Variants in USP24 observed in about 807,000 individuals in gnomAD.
USP24 encodes the protein ubiquitin specific peptidase 24, also known as ubiquitin carboxyl-terminal hydrolase 24.
USP24 carries 97 observed loss-of-function variants against 361.6 expected under a neutral mutation model. The ratio of observed to expected loss-of-function variants is 0.27; its 90% CI spans 0.23 to 0.32. The LOEUF is 0.32. Among genes scored for constraint, USP24 ranks in the 10% least tolerant of loss-of-function variants. The pLI, the probability that USP24 is intolerant of heterozygous loss-of-function variation, is 1.00. For missense variants in USP24, 2,353 were observed against 3,165.6 expected (o/e 0.74, Z 6.16); for synonymous variants, 1,098 against 1,124.6 (o/e 0.98, Z 0.47).
rs75935414 is a variant in USP24, at chr1:55,072,820, T to A, written c.7568A>T (p.His2523Leu). ...AKEYFKENSHHWSWAVQWLQK... is the reference protein window; with the variant it reads ...AKEYFKENSHLWSWAVQWLQK... ...TAGCCACTGCACAGCCCAGCTCCAG[T>A]GGTGGGAATTCTCCTTGAAGTACTC... Residue 2523 changes from histidine (H) to leucine (L), a missense_variant, in exon 65 of 68, where the codon CAC becomes CTC. Around this residue, in one of 8 missense-constraint regions of USP24, gnomAD observed 598 missense variants for 761.9 expected, o/e 0.78. Transcript: ENST00000294383. The A allele has an allele frequency of 6.2e-7, 1 of 1,607,796 alleles. No homozygotes were observed. Among genetic ancestry groups the A allele is most frequent in the Admixed American group, 1.7e-5 (1 of 59,202 alleles).
chr1:55,177,142 C>T (rs184813758), intron 2 of USP24, among the ~76,000 whole-genome samples: 144 of 150,984 alleles, frequency 9.5e-4, no homozygotes, highest in Admixed American at 3.8e-3. Flanking sequence ...AAAAACCACA[C>T]AAATATTTGC....
At chr1:55,138,049 C>G in intron 26 of USP24, 145 bp from the exon 27 acceptor site, 1 of 726,822 alleles carries the variant, frequency 1.4e-6, no homozygotes, top group Non-Finnish European at 2.2e-6. Context: ...CCCCTGCCCT[C>G]GTGAGGCTTC....
intron 6 of USP24, 76 bp from the exon 7 acceptor site, chr1:55,166,026 T>C: frequency 7.2e-7 from 1 of 1,393,672 alleles, no homozygotes; most frequent in Non-Finnish European, 9.8e-7. Context: ...TATTGGTACA[T>C]AGTAGGTGTA....
chr1:55,125,958 C>T (rs1261377678), intron 32 of USP24, among the ~76,000 whole-genome samples, 200 bp from the exon 33 acceptor site: 1 of 152,188 alleles, frequency 6.6e-6, no homozygotes, highest in Non-Finnish European at 1.5e-5. Context: ...TGCTTCTGCT[C>T]TTGACTCTCC....
intron 31 of USP24, among the ~76,000 whole-genome samples, chr1:55,132,031 A>T (rs1200920738): frequency 6.6e-6 from 1 of 152,210 alleles, no homozygotes; most frequent in East Asian, 1.9e-4. Flanking sequence ...TCTTGGAGTG[A>T]GTAACTTGTT....
At position 55,117,114 on chromosome 1, in the gene USP24, G is replaced by A. The variant is rs992014838; in HGVS notation, c.4508+3482C>T. ...GATTATCTCAATCAAAGCAGAAAAA[G>A]CATTTGATAAAATTTAACTCACTTT... On this transcript the variant is annotated intron_variant, in intron 38 of 67. Coordinates refer to ENST00000294383, the MANE Select transcript of USP24 (RefSeq NM_015306.3). Among the ~76,000 whole-genome samples the A allele has an allele frequency of 2.6e-5, 4 of 152,190 alleles. No individual in the cohort carries two copies. In the East Asian group the frequency reaches 7.7e-4, roughly 29 times the overall value.
Position 55,125,411 on chromosome 1 carries a change from G to A in USP24, c.3869C>T (p.Pro1290Leu). ...TSRQMSLCGT[P>L]EKSSYRQLSV... ...CAACTGTCGGTAGGATGACTTTTCT[G>A]GGGTACCACATAAGGACATCTGTCT... The change falls in exon 34 of 68, where the codon CCA becomes CTA. Residue 1290 changes from proline (P) to leucine (L), a missense_variant. Transcript: ENST00000294383. 6.2e-7 allele frequency: 1 copy of A among 1,613,944 alleles called. No individual in the cohort carries two copies. The highest frequency in any genetic ancestry group is 1.7e-5 in the Admixed American group (1 of 60,014).
At chr1:55,149,002 G>A (rs1315080049) in intron 16 of USP24, among the ~76,000 whole-genome samples, 1 of 152,090 alleles carries the variant, frequency 6.6e-6, no homozygotes, top group African/African-American at 2.4e-5. Context: ...TATATGACTA[G>A]GATACCAATG....
At chr1:55,183,355 TTATA>T (rs760468005) in intron 1 of USP24, among the ~76,000 whole-genome samples, 9 of 152,162 alleles carry the variant, frequency 5.9e-5, no homozygotes, top group Admixed American at 2.0e-4. Context: ...CACATGCACA[TTATA>T]TATGTCTGTA....
At position 55,106,135 on chromosome 1, in the gene USP24, AT is replaced by A; in HGVS notation, c.4880+10del. 1.2e-6 allele frequency: 2 copies of A among 1,601,138 alleles called. No homozygotes were observed. On this transcript the variant is annotated intron_variant, in intron 41 of 67. Transcript: ENST00000294383. ...TTTACCAAAACTGAACACAACGTGCATTTTCCATACTTTGGATGAAAGTCCT... is the reference window on the plus strand; with the variant it reads ...TTTACCAAAACTGAACACAACGTGCATTTCCATACTTTGGATGAAAGTCCT...
chr1:55,136,451 G>T (rs1646738118), intron 28 of USP24, among the ~76,000 whole-genome samples: 1 of 152,128 alleles, frequency 6.6e-6, no homozygotes, highest in Admixed American at 6.5e-5. Context: ...TCTGACTTAT[G>T]TTTAGTAAGA....
intron 34 of USP24, among the ~76,000 whole-genome samples, chr1:55,125,043 T>C (rs1253351046): frequency 2.0e-5 from 3 of 152,168 alleles, no homozygotes; most frequent in East Asian, 3.9e-4. Context: ...ATGCCATCTA[T>C]AACATAAAAT....
intron 10 of USP24, 44 bp from the exon 11 acceptor site, chr1:55,157,414 C>T: frequency 9.2e-7 from 1 of 1,085,918 alleles, no homozygotes; most frequent in Non-Finnish European, 1.3e-6. Flanking sequence ...TATACATTAT[C>T]AAATATTTAT....
At chr1:55,214,737 A>C in intron 1 of USP24, 53 bp downstream of exon 1, 1 of 1,143,798 alleles carries the variant, frequency 8.7e-7, no homozygotes, top group African/African-American at 1.7e-5. Flanking sequence ...GTCCCCTCCC[A>C]GGAACTCCAG....
chr1:55,191,937 CT>C (rs1169996830), intron 1 of USP24, among the ~76,000 whole-genome samples: 5 of 152,166 alleles, frequency 3.3e-5, no homozygotes, highest in Non-Finnish European at 7.4e-5. Context: ...TGCATCCTAC[CT>C]TTCATATTGC....
intron 67 of USP24, 133 bp downstream of exon 67, chr1:55,071,681 G>T: frequency 9.4e-7 from 1 of 1,065,158 alleles, no homozygotes. Context: ...GATCACTAGA[G>T]GGCAGCGCTG....
intron 1 of USP24, among the ~76,000 whole-genome samples, chr1:55,189,386 G>A (rs1644227367): frequency 6.6e-6 from 1 of 152,164 alleles, no homozygotes; most frequent in Non-Finnish European, 1.5e-5. Flanking sequence ...TGAACATAGT[G>A]AGTTGAATGA....
At position 55,081,303 on chromosome 1, in the gene USP24, T is replaced by A; in HGVS notation, c.7078+19A>T. ...AGACAAATTCAGTATCTCTTCATTC[T>A]AAGATATGTTAAGCTTACCAACATT... is the stretch of plus-strand genomic sequence containing the variant. On this transcript the variant is annotated intron_variant, in intron 59 of 67. Transcript: ENST00000294383. The A allele has an allele frequency of 6.2e-7, 1 of 1,608,540 alleles. No individual in the cohort carries two copies. Among genetic ancestry groups the A allele is most frequent in the East Asian group, 2.2e-5 (1 of 44,838 alleles).
intron 24 of USP24, 29 bp downstream of exon 24, chr1:55,141,587 T>C: frequency 1.3e-6 from 2 of 1,554,418 alleles, no homozygotes; most frequent in South Asian, 1.2e-5. Flanking sequence ...CATATGTGTG[T>C]TGTGTATTTT....
Sources: allele counts gnomAD v4.1 joint callset (sites outside exome capture counted in the v4.1 genomes callset), GRCh38; gene constraint gnomAD v4.1.1; regional missense constraint gnomAD v4.1.1; transcripts MANE v1.5; gene names NCBI Gene and HGNC (gene_info 2026-07-23, HGNC 2026-07-21).